Variants in HAL observed in about 807,000 individuals in gnomAD.
The protein encoded by HAL is histidine ammonia-lyase.
Under a neutral mutation model 81.1 loss-of-function variants are expected in HAL, and 85 were observed. The observed-to-expected ratio is 1.05, with a 90% CI of 0.88 to 1.25. The LOEUF is 1.25. Among genes scored for constraint, HAL ranks in the 50% most tolerant of loss-of-function variants. HAL has a pLI of 0.00. For missense variants in HAL, 798 were observed against 836.6 expected, an observed-to-expected ratio of 0.95 and a Z score of 0.57; for synonymous variants, 301 against 309.2, an observed-to-expected ratio of 0.97 and a Z score of 0.28.
At position 95,975,827 on chromosome 12, in the gene HAL, A is replaced by G. The variant is rs550094507; in HGVS notation, c.1833+602T>C. On this transcript the variant is annotated intron_variant, in intron 20 of 20. Coordinates refer to ENST00000261208, the MANE Select transcript of HAL (RefSeq NM_002108.4). ...ATCAAGCGATTCTAGGGAACATAAC[A>G]CCCACAAGTTATTCAAAAGGTTTAA... 2.0e-5 allele frequency among the ~76,000 whole-genome samples: 3 copies of G among 152,214 alleles called. No individual in the cohort carries two copies. The South Asian group carries it at 6.2e-4, about 32-fold the overall frequency.
In HAL at chr12:95,987,182, GATC is replaced by G. The variant is rs1949900732; in HGVS notation, c.933_935del (p.Met311del). 2 of 1,613,740 alleles carry G rather than the reference GATC, an allele frequency of 1.2e-6. No individual in the cohort carries two copies. The highest frequency in any genetic ancestry group is 1.7e-6 in the Non-Finnish European group (2 of 1,179,596). On this transcript the variant is annotated inframe_deletion, in exon 12 of 21. Coordinates refer to ENST00000261208, the MANE Select transcript of HAL (RefSeq NM_002108.4). ...CTACAGCTTCACAGCCCAGGGATGT[GATC>G]ATCTGCGTCCCATTGATGAGTGCCA...
chr12:95,992,613 A>G (rs1244765598), intron 9 of HAL, 67 bp downstream of exon 9: 2 of 1,426,156 alleles, frequency 1.4e-6, no homozygotes, highest in Non-Finnish European at 2.0e-6. Flanking sequence ...CATCTGGCCA[A>G]TCAATTCTAC....
chr12:95,992,419 G>A (rs1949981731), intron 9 of HAL, among the ~76,000 whole-genome samples: 2 of 152,222 alleles, frequency 1.3e-5, no homozygotes, highest in Admixed American at 1.3e-4. Flanking sequence ...AGACTTAAGA[G>A]TCCTGTTCTA....
At position 95,985,348 on chromosome 12, in the gene HAL, C is replaced by T. The variant is rs908423033; in HGVS notation, c.1206+560G>A. Reference sequence around the variant, plus strand: ...GGTCCTCACGCCTGTAATCCCAGCACTTTGGGAGGCTGAGGCAGGTGGATC... The same window carrying T: ...GGTCCTCACGCCTGTAATCCCAGCATTTTGGGAGGCTGAGGCAGGTGGATC... On this transcript the variant is annotated intron_variant, in intron 14 of 20. Transcript: ENST00000261208. 3.3e-5 allele frequency among the ~76,000 whole-genome samples: 5 copies of T among 152,020 alleles called. No homozygotes were observed. The South Asian group carries it at 1.0e-3, about 32-fold the overall frequency.
intron 14 of HAL, 98 bp downstream of exon 14, chr12:95,985,809 TC>T: frequency 1.3e-6 from 1 of 783,396 alleles, no homozygotes; most frequent in Non-Finnish European, 2.2e-6. Context: ...TACATGTTTT[TC>T]TAACACTTTC....
At position 95,985,798 on chromosome 12, in the gene HAL, T is replaced by A. The variant is rs1565989768; in HGVS notation, c.1206+110A>T. On this transcript the variant is annotated intron_variant, in intron 14 of 20. Coordinates refer to ENST00000261208, the MANE Select transcript of HAL (RefSeq NM_002108.4). ...AAGAAATTTGGACTATAGTTGACCA[T>A]TACATGTTTTTCTAACACTTTCCTA... 5.4e-6 allele frequency: 4 copies of A among 734,300 alleles called. No individual in the cohort carries two copies. The Admixed American group carries it at 6.4e-5, about 12-fold the overall frequency. 45.5% of individuals were successfully genotyped at this position (734,300 alleles called of 1,614,324 possible).
At chr12:95,987,046 A>G in intron 12 of HAL, 21 bp downstream of exon 12, 1 of 1,607,426 alleles carries the variant, frequency 6.2e-7, no homozygotes. Flanking sequence ...AATAACAACC[A>G]AAAGGAAGAA....
intron 12 of HAL, among the ~76,000 whole-genome samples, chr12:95,986,864 GT>G (rs1381929059): frequency 6.6e-6 from 1 of 152,130 alleles, no homozygotes; most frequent in African/African-American, 2.4e-5. Flanking sequence ...CGGGCTGTGT[GT>G]ATCTGTAAAT....
At chr12:95,982,173 A>G (rs991529217) in intron 15 of HAL, among the ~76,000 whole-genome samples, 3 of 152,234 alleles carry the variant, frequency 2.0e-5, no homozygotes, top group Admixed American at 6.5e-5. Context: ...TTTAACTCCC[A>G]TAATATCCAG....
At chr12:95,980,456 G>T in intron 17 of HAL, 100 bp downstream of exon 17, 1 of 1,117,074 alleles carries the variant, frequency 9.0e-7, no homozygotes. Context: ...GTGGTGAAAA[G>T]TTAGATCTCA....
chr12:95,991,640 TA>T (rs1949971776), intron 9 of HAL, among the ~76,000 whole-genome samples: 3 of 152,212 alleles, frequency 2.0e-5, no homozygotes, highest in Non-Finnish European at 4.4e-5. Context: ...AACTGTTAAA[TA>T]ATGTCAGTCG....
At chr12:95,991,755 G>C (rs182441208) in intron 9 of HAL, among the ~76,000 whole-genome samples, 1 of 152,290 alleles carries the variant, frequency 6.6e-6, no homozygotes, top group East Asian at 1.9e-4. Context: ...TGGGTTTAAG[G>C]TTGGAGTGCT....
At chr12:95,981,073 G>A (rs1452747604) in intron 15 of HAL, among the ~76,000 whole-genome samples, 2 of 152,174 alleles carry the variant, frequency 1.3e-5, no homozygotes, top group African/African-American at 2.4e-5. Context: ...CCAATTTGGA[G>A]GCTGAAAAAA....
Position 95,973,453 on chromosome 12 carries a change from G to A in HAL, c.*779C>T, listed in dbSNP as rs1346101476. 6.6e-6 allele frequency: 1 copy of A among 152,206 alleles called. No homozygotes were observed. Among genetic ancestry groups the A allele is most frequent in the Non-Finnish European group, 1.5e-5 (1 of 68,034 alleles). The allele number at this position is 152,206 out of a possible 1,614,324, so 9.4% of individuals were successfully genotyped here. A position where few individuals can be genotyped will look rare whatever the true frequency, so the allele number is the denominator to read the frequency against. ...AAATGAGGAAGGTTACAATAAGAAT[G>A]TGAATAGAGTACTAACACCAAGGAA... is the stretch of plus-strand genomic sequence containing the variant. On this transcript the variant is annotated 3_prime_UTR_variant, in exon 21 of 21. Transcript: ENST00000261208.
Position 95,976,432 on chromosome 12 carries a change from C to G in HAL, c.1830G>C (p.Gln610His). The change falls in exon 20 of 21, where the codon CAG becomes CAC. Residue 610 changes from glutamine (Q) to histidine (H), a missense_variant. Gln to His is a conservative substitution (Grantham distance 24). Transcript: ENST00000261208. ...ACAAGCCAAGGAGCCAGCTTGCCTT[C>G]TGCTCCAGGAGCAGCCTGTGGGCTG... ...IEAAHRLLLE[Q>H]KVWEVAAPYI... 6.2e-7 allele frequency: 1 copy of G among 1,612,938 alleles called. No individual in the cohort carries two copies. Among genetic ancestry groups the G allele is most frequent in the Non-Finnish European group, 8.5e-7 (1 of 1,178,874 alleles).
chr12:95,986,607 T>G (rs1205582709), intron 12 of HAL, among the ~76,000 whole-genome samples: 5 of 152,182 alleles, frequency 3.3e-5, no homozygotes, highest in African/African-American at 7.2e-5. Flanking sequence ...GTGGCCTAAT[T>G]TAACTCATTC....
Position 95,980,635 on chromosome 12 carries a change from A to T in HAL, c.1440T>A (p.Ser480Arg). 1.2e-6 allele frequency: 2 copies of T among 1,614,056 alleles called. No homozygotes were observed. Among genetic ancestry groups the T allele is most frequent in the Non-Finnish European group, 1.7e-6 (2 of 1,179,890 alleles). Residue 480 changes from serine (S) to arginine (R), a missense_variant, in exon 17 of 21, where the codon AGT becomes AGA. By Grantham distance (110) the Ser-to-Arg change is moderately radical. Transcript: ENST00000261208. ...CAGCCACCAGGAAGGCAGGCAGCTCACTGAGGGAGGGATTGCAGAGCCGCT... is the reference window on the plus strand; with the variant it reads ...CAGCCACCAGGAAGGCAGGCAGCTCTCTGAGGGAGGGATTGCAGAGCCGCT... ...RIERLCNPSLSELPAFLVAEG... is the reference protein window; with the variant it reads ...RIERLCNPSLRELPAFLVAEG...
In HAL at chr12:95,995,745, G is replaced by T. The variant is rs370739722; in HGVS notation, c.166C>A (p.Arg56Ser). The part of the protein sequence containing the change: ...TSVDDAHFLV[R>S]RCKGLGLLDN... Reference sequence around the variant, plus strand: ...AGCAGGCCCAGGCCCTTGCACCGGCGCACAAGGAAGTGCGCGTCATCCACG... The same window carrying T: ...AGCAGGCCCAGGCCCTTGCACCGGCTCACAAGGAAGTGCGCGTCATCCACG... The change falls in exon 2 of 21, where the codon CGC (arginine) becomes AGC (serine). Residue 56 changes from arginine to serine, a missense_variant. By Grantham distance (110) the Arg-to-Ser change is moderately radical (BLOSUM62 -1). Transcript: ENST00000261208. The T allele has an allele frequency of 6.2e-6, 10 of 1,613,586 alleles. No individual in the cohort carries two copies. The African/African-American group carries it at 1.2e-4, about 19-fold the overall frequency.
chr12:95,985,333 C>A (rs1412514121), intron 14 of HAL, among the ~76,000 whole-genome samples: 2 of 152,124 alleles, frequency 1.3e-5, no homozygotes, highest in African/African-American at 2.4e-5. Context: ...GGTCCTCACG[C>A]CTGTAATCCC....
Sources: allele counts gnomAD v4.1 joint callset (sites outside exome capture counted in the v4.1 genomes callset), GRCh38; gene constraint gnomAD v4.1.1; transcripts MANE v1.5; gene names NCBI Gene and HGNC (gene_info 2026-07-23, HGNC 2026-07-21).